The following USP28 variants were observed in gnomAD, a reference collection of about 807,000 sequenced individuals.
The protein encoded by USP28 is ubiquitin carboxyl-terminal hydrolase 28.
USP28 carries 113 observed loss-of-function variants against 145.0 expected under a neutral mutation model. The observed-to-expected ratio is 0.78, with a 90% CI of 0.67 to 0.91. The LOEUF is 0.91. Among genes scored for constraint, USP28 ranks in the 40% least tolerant of loss-of-function variants. USP28 has a pLI of 0.00. For missense variants in USP28, 1,201 were observed against 1,289.6 expected (o/e 0.93, Z 1.05); for synonymous variants, 447 against 450.9 (o/e 0.99, Z 0.11).
chr11:113,849,560 T>C (rs938364361), intron 3 of USP28, among the ~76,000 whole-genome samples: 6 of 152,052 alleles, frequency 3.9e-5, no homozygotes, highest in African/African-American at 1.4e-4. Context: ...GGGATGTCCG[T>C]ATGAGGCATG....
intron 1 of USP28, among the ~76,000 whole-genome samples, chr11:113,858,004 T>C (rs1027022964): frequency 5.9e-5 from 9 of 152,128 alleles, no homozygotes; most frequent in African/African-American, 1.4e-4. Flanking sequence ...TAGTTGGGAC[T>C]ACGGGTGCCC....
intron 7 of USP28, 57 bp downstream of exon 7, chr11:113,833,363 C>T: frequency 1.3e-6 from 2 of 1,584,514 alleles, no homozygotes; most frequent in Non-Finnish European, 1.7e-6. Flanking sequence ...TGAAGCAGTA[C>T]CGCATTAACA....
At chr11:113,826,110 C>T (rs1943257842) in intron 11 of USP28, among the ~76,000 whole-genome samples, 1 of 151,882 alleles carries the variant, frequency 6.6e-6, no homozygotes, top group Non-Finnish European at 1.5e-5. Flanking sequence ...TGGTGAAACC[C>T]CGTCTCTACT....
chr11:113,829,090 T>C lies in USP28; in HGVS notation c.1059+107A>G, dbSNP rs191658045. On this transcript the variant is annotated intron_variant, in intron 10 of 24. Transcript: ENST00000003302. ...GACTTAAGACAAATTCAAGTTCTGC[T>C]AAGTGTAAAGTTACTTAATATGTGA... is the stretch of plus-strand genomic sequence containing the variant. 179 of 1,461,088 alleles carry C rather than the reference T, an allele frequency of 1.2e-4. 1 individual carries two copies. The Middle Eastern group carries it at 2.8e-3, about 23-fold the overall frequency. The allele number at this position is 1,461,088 out of a possible 1,614,324, so 90.5% of individuals were successfully genotyped here. A position where few individuals can be genotyped will look rare whatever the true frequency, so the allele number is the denominator to read the frequency against.
intron 3 of USP28, among the ~76,000 whole-genome samples, chr11:113,851,480 T>C (rs1187474461): frequency 6.6e-6 from 1 of 152,002 alleles, no homozygotes; most frequent in East Asian, 1.9e-4. Flanking sequence ...ACTTACTCCC[T>C]CACCTCCCCT....
rs1305239299 is a variant in USP28, at chr11:113,854,341, T to C, written c.58-6A>G. The C allele has an allele frequency of 6.2e-7, 1 of 1,613,264 alleles. No individual in the cohort carries two copies. Among genetic ancestry groups the C allele is most frequent in the Non-Finnish European group, 8.5e-7 (1 of 1,179,732 alleles). On this transcript the variant is annotated splice_region_variant and splice_polypyrimidine_tract_variant and intron_variant, in intron 1 of 24. Transcript: ENST00000003302. ...TTTAACAGCATTTGGCAGCTCTATATTTGCAAAACAAAAAAACCACAAACA... is the reference window on the plus strand; with the variant it reads ...TTTAACAGCATTTGGCAGCTCTATACTTGCAAAACAAAAAAACCACAAACA...
exon 1 of USP28, chr11:113,875,536 C>G (rs1316857289): frequency 1.1e-5 from 12 of 1,137,354 alleles, no homozygotes; most frequent in Non-Finnish European, 9.7e-6. Flanking sequence ...ACCGGTCTCC[C>G]GCCGCAGCCG....
chr11:113,839,382 C>G, intron 5 of USP28, among the ~76,000 whole-genome samples: 1 of 152,182 alleles, frequency 6.6e-6, no homozygotes, highest in South Asian at 2.1e-4. Flanking sequence ...GTCAGGAGTT[C>G]AAGACCAGCA....
chr11:113,808,053 A>G lies in USP28; in HGVS notation c.2304+245T>C, dbSNP rs756140924. 32 of 1,336,356 alleles carry G rather than the reference A, an allele frequency of 2.4e-5. 1 individual carries two copies. Among genetic ancestry groups the G allele is most frequent in the Admixed American group, 3.0e-5 (1 of 33,102 alleles). The allele number at this position is 1,336,356 out of a possible 1,614,324, so 82.8% of individuals were successfully genotyped here. On this transcript the variant is annotated intron_variant, in intron 18 of 24. Coordinates refer to ENST00000003302, the Ensembl canonical transcript of USP28. ...AATTAGGCTGGGCAGTAGACTCTGC[A>G]TCATTAGCCTTTGGGGGCTGTTCTG...
chr11:113,875,413 C>A, intron 1 of USP28, 32 bp downstream of exon 1: 1 of 1,233,762 alleles, frequency 8.1e-7, no homozygotes, highest in Non-Finnish European at 1.0e-6. Context: ...TGGAGCCCGC[C>A]CCCAGCTCCC....
chr11:113,827,203 A>AG, intron 11 of USP28, 30 bp downstream of exon 11: 1 of 1,586,150 alleles, frequency 6.3e-7, no homozygotes, highest in Non-Finnish European at 8.5e-7. Context: ...GTAATACCTC[A>AG]GGAAAAAAAA....
Position 113,799,004 on chromosome 11 carries a change from T to C in USP28, c.*236A>G, listed in dbSNP as rs566443813. 253 of 355,118 alleles carry C rather than the reference T, an allele frequency of 7.1e-4. 1 individual carries two copies. Among genetic ancestry groups the C allele is most frequent in the Non-Finnish European group, 1.0e-3 (204 of 199,244 alleles). The allele number at this position is 355,118 out of a possible 1,614,324, so 22.0% of individuals were successfully genotyped here. ...AGGCATTTCAGGTCTTCTGGCGTAATTCAACACCTTAATACACTGCTTTCT... is the reference window on the plus strand; with the variant it reads ...AGGCATTTCAGGTCTTCTGGCGTAACTCAACACCTTAATACACTGCTTTCT... On this transcript the variant is annotated 3_prime_UTR_variant, in exon 25 of 25. Transcript: ENST00000003302.
At chr11:113,805,023 C>A in exon 20 of USP28, 1 of 1,613,854 alleles carries the variant, frequency 6.2e-7, no homozygotes, top group Non-Finnish European at 8.5e-7. Context: ...GCTGATAGAG[C>A]CTGGAGTATT....
At chr11:113,801,052 A>G (rs1938924645) in intron 24 of USP28, among the ~76,000 whole-genome samples, 1 of 152,102 alleles carries the variant, frequency 6.6e-6, no homozygotes, top group African/African-American at 2.4e-5. Context: ...CTTGTTGGCC[A>G]GACTTGGTCT....
chr11:113,806,982 T>C (rs954915732), intron 18 of USP28, among the ~76,000 whole-genome samples: 4 of 152,208 alleles, frequency 2.6e-5, no homozygotes, highest in Admixed American at 1.3e-4. Flanking sequence ...ACAAATACTT[T>C]AGAGTTTTAC....
intron 9 of USP28, among the ~76,000 whole-genome samples, chr11:113,829,824 CAAAA>C (rs5794883): frequency 0.01 from 1,061 of 104,692 alleles, 14 homozygotes; most frequent in African/African-American, 0.037. Flanking sequence ...GGACTTGTCT[CAAAA>C]AAAAAAAAAA....
chr11:113,808,546 C>T (rs922878898), intron 17 of USP28, 109 bp from the exon 18 acceptor site: 4 of 1,177,748 alleles, frequency 3.4e-6, no homozygotes, highest in African/African-American at 1.5e-5. Flanking sequence ...CCTGTTAACA[C>T]AGCTTTTTAC....
chr11:113,806,176 C>G (rs1939926545), intron 19 of USP28, among the ~76,000 whole-genome samples: 1 of 151,988 alleles, frequency 6.6e-6, no homozygotes, highest in African/African-American at 2.4e-5. Flanking sequence ...TGGCTTCAAG[C>G]AAGCCTCCCT....
chr11:113,827,468 T>C, intron 10 of USP28, 108 bp from the exon 11 acceptor site: 6 of 1,213,078 alleles, frequency 4.9e-6, no homozygotes, highest in Non-Finnish European at 6.6e-6. Context: ...GGTATAGAAC[T>C]TATACTCAAG....
Sources: gnomAD v4.1 joint callset for allele counts (sites outside exome capture counted in the v4.1 genomes callset) on GRCh38, gnomAD v4.1.1 for gene constraint, MANE v1.5 for transcripts, NCBI Gene and HGNC (gene_info 2026-07-23, HGNC 2026-07-21) for gene names.